Variants in ABCA1 observed in about 807,000 individuals in gnomAD.
The protein encoded by ABCA1 is ATP binding cassette subfamily A member 1, also known as phospholipid-transporting ATPase ABCA1.
In ABCA1, 133 loss-of-function variants were observed where a neutral mutation model predicts 262.5. The ratio of observed to expected loss-of-function variants is 0.51; its 90% CI spans 0.44 to 0.59. The LOEUF (loss-of-function observed/expected upper bound fraction) is 0.59. ABCA1 is among the 20% of genes least tolerant of loss of function. The pLI, the probability that ABCA1 is intolerant of heterozygous loss-of-function variation, is 0.00. For synonymous variants in ABCA1, 1,022 were observed against 1,043.5 expected (o/e 0.98, Z 0.40); for missense variants, 2,452 against 2,777.5 (o/e 0.88, Z 2.63).
At chr9:104,807,180 C>T (rs987325789) in intron 30 of ABCA1, among the ~76,000 whole-genome samples, 7 of 152,010 alleles carry the variant, frequency 4.6e-5, no homozygotes, top group Non-Finnish European at 1.0e-4. Context: ...ATCTTATGCT[C>T]GATGTGCTGA....
intron 11 of ABCA1, among the ~76,000 whole-genome samples, chr9:104,834,860 G>GA (rs1833667738): frequency 6.6e-6 from 1 of 152,188 alleles, no homozygotes; most frequent in Non-Finnish European, 1.5e-5. Flanking sequence ...TACCCCAGCA[G>GA]AAGCAGAAGC....
intron 6 of ABCA1, among the ~76,000 whole-genome samples, chr9:104,861,166 C>T (rs1836352072): frequency 1.3e-5 from 2 of 152,196 alleles, no homozygotes; most frequent in South Asian, 4.1e-4. Context: ...CTTATTCCCA[C>T]AAGCTGCAGG....
rs1418568210 is a variant in ABCA1, at chr9:104,800,525, G to C, written c.4758C>G (p.Thr1586=). Residue 1586 remains threonine (T), a synonymous_variant, in exon 35 of 50, where the codon ACC becomes ACG. Transcript: ENST00000374736. The part of the protein sequence containing the change: ...SLGRFMTGLD[T]KNNVKVWFNN... ...AGCGGTTTACCTTGACATTATTTTT[G>C]GTGTCCAGTCCTGTCATAAATCTTC... 1.9e-6 allele frequency: 3 copies of C among 1,613,810 alleles called. No homozygotes were observed. The highest frequency in any genetic ancestry group is 2.5e-6 in the Non-Finnish European group (3 of 1,179,762).
At chr9:104,875,360 A>C (rs1166223607) in intron 5 of ABCA1, among the ~76,000 whole-genome samples, 1 of 151,448 alleles carries the variant, frequency 6.6e-6, no homozygotes, top group Non-Finnish European at 1.5e-5. Context: ...TCAAAAAAAA[A>C]AAAAAAAAAG....
At chr9:104,816,018 GA>G (rs1215702222) in intron 25 of ABCA1, 124 bp downstream of exon 25, 2 of 1,051,268 alleles carry the variant, frequency 1.9e-6, no homozygotes, top group Admixed American at 3.4e-5. Flanking sequence ...ACATTAATCA[GA>G]TGTCGATGAC....
At chr9:104,793,127 T>C (rs1445279693) in intron 41 of ABCA1, 44 bp downstream of exon 41, 1 of 1,612,922 alleles carries the variant, frequency 6.2e-7, no homozygotes, top group Admixed American at 1.7e-5. Flanking sequence ...GCCTCCTCTG[T>C]GACCCTCAAC....
chr9:104,839,521 T>TTTTTTG (rs1554721183), intron 9 of ABCA1, among the ~76,000 whole-genome samples: 3 of 151,916 alleles, frequency 2.0e-5, no homozygotes, highest in Non-Finnish European at 2.9e-5. Flanking sequence ...ATGTTAGTTC[T>TTTTTTG]TTGTTGTTGT....
intron 5 of ABCA1, among the ~76,000 whole-genome samples, chr9:104,878,800 T>C (rs1022968993): frequency 2.0e-5 from 3 of 152,120 alleles, no homozygotes; most frequent in African/African-American, 4.8e-5. Context: ...GCCAAGGAAA[T>C]CATGAGAGTA....
At chr9:104,845,709 ACT>A (rs1413113223) in intron 7 of ABCA1, 140 bp from the exon 8 acceptor site, 1 of 651,302 alleles carries the variant, frequency 1.5e-6, no homozygotes, top group African/African-American at 1.8e-5. Context: ...AACTAAAGAC[ACT>A]ACAATTATTT....
intron 6 of ABCA1, chr9:104,861,405 T>G (rs1836371470): frequency 1.7e-6 from 1 of 594,138 alleles, no homozygotes; most frequent in African/African-American, 1.9e-5. Context: ...AATGTATCCC[T>G]TGTAGGAGGA....
rs148916664 is a variant in ABCA1, at chr9:104,922,016, C to T, written c.-93+5919G>A. On this transcript the variant is annotated intron_variant, in intron 1 of 49. Transcript: ENST00000374736. Reference sequence around the variant, plus strand: ...TTCATGAGGAGGGAAGCATTTAAATCGGGTCTTAAAGGAGGTTTGCAAAAG... The same window carrying T: ...TTCATGAGGAGGGAAGCATTTAAATTGGGTCTTAAAGGAGGTTTGCAAAAG... Among the ~76,000 whole-genome samples the T allele has an allele frequency of 3.1e-3, 465 of 152,056 alleles. 4 individuals carry two copies. Among genetic ancestry groups the T allele is most frequent in the African/African-American group, 0.011 (451 of 41,466 alleles).
intron 38 of ABCA1, 29 bp downstream of exon 38, chr9:104,796,280 T>G (rs1267915405): frequency 1.2e-6 from 2 of 1,613,864 alleles, no homozygotes; most frequent in African/African-American, 2.7e-5. Flanking sequence ...TTATCCACTG[T>G]GCAGCTCCCT....
intron 7 of ABCA1, among the ~76,000 whole-genome samples, chr9:104,848,558 T>C (rs1395578136): frequency 6.7e-6 from 1 of 150,362 alleles, no homozygotes; most frequent in African/African-American, 2.5e-5. Context: ...GAGGTTGCAG[T>C]GAGCCAAGAT....
chr9:104,788,899 C>T (rs2740484), intron 44 of ABCA1, among the ~76,000 whole-genome samples: 40,532 of 152,162 alleles, frequency 0.27, 6,312 homozygotes, highest in Non-Finnish European at 0.35. Flanking sequence ...AGGGCTTTAA[C>T]GCTAAGGCCC....
rs139692954 is a variant in ABCA1, at chr9:104,785,190, A to T, written c.6645+206T>A. On this transcript the variant is annotated intron_variant, in intron 49 of 49. Transcript: ENST00000374736. ...GTTTTTATGGTTATTATTACAGTAAATTCTCACAATAATCCTATAGAGTAC... is the reference window on the plus strand; with the variant it reads ...GTTTTTATGGTTATTATTACAGTAATTTCTCACAATAATCCTATAGAGTAC... Among the ~76,000 whole-genome samples, 679 of 152,264 alleles carry T rather than the reference A, an allele frequency of 4.5e-3. 2 individuals are homozygous for T. Among genetic ancestry groups the T allele is most frequent in the Middle Eastern group, 0.044 (13 of 294 alleles).
chr9:104,837,618 A>G, intron 9 of ABCA1, 51 bp from the exon 10 acceptor site: 1 of 1,606,180 alleles, frequency 6.2e-7, no homozygotes, highest in Non-Finnish European at 8.5e-7. Flanking sequence ...ATATACTGAT[A>G]GAAACTTACA....
intron 1 of ABCA1, among the ~76,000 whole-genome samples, chr9:104,924,621 A>G (rs905842573): frequency 6.7e-6 from 1 of 150,006 alleles, no homozygotes; most frequent in African/African-American, 2.4e-5. Context: ...GAAAAAAAAA[A>G]AAAAGAAAAA....
chr9:104,822,037 C>T (rs188084386), intron 19 of ABCA1, among the ~76,000 whole-genome samples: 232 of 152,286 alleles, frequency 1.5e-3, no homozygotes, highest in African/African-American at 5.4e-3. Context: ...CTGAGGCTAA[C>T]GCTGGTGCTT....
At chr9:104,919,511 T>A (rs1410634874) in intron 1 of ABCA1, among the ~76,000 whole-genome samples, 2 of 151,820 alleles carry the variant, frequency 1.3e-5, no homozygotes, top group South Asian at 2.1e-4. Context: ...ACTCAGGAGG[T>A]TGAGGCAGGA....
Sources: gnomAD v4.1 joint callset for allele counts (sites outside exome capture counted in the v4.1 genomes callset) on GRCh38, gnomAD v4.1.1 for gene constraint, MANE v1.5 for transcripts, NCBI Gene and HGNC (gene_info 2026-07-23, HGNC 2026-07-21) for gene names.